The following NAV2 variants were observed in gnomAD, a reference collection of about 807,000 sequenced individuals.
The protein encoded by NAV2 is helicase, APC down-regulated 1.
In NAV2, 54 loss-of-function variants were observed where a neutral mutation model predicts 223.2. That is an observed-to-expected ratio of 0.24 (90% CI 0.19 to 0.30). The LOEUF is 0.30. Among genes scored for constraint, NAV2 ranks in the 10% least tolerant of loss-of-function variants. The probability of loss-of-function intolerance (pLI) is 1.00; values close to 1 mark genes in which losing one functional copy is unlikely to be tolerated. For synonymous variants in NAV2, 1,279 were observed against 1,239.3 expected, an observed-to-expected ratio of 1.03 and a Z score of -0.67; for missense variants, 2,806 against 3,147.5, an observed-to-expected ratio of 0.89 and a Z score of 2.60.
chr11:19,431,070 C>T (rs1764434118), intron 1 of NAV2, among the ~76,000 whole-genome samples: 1 of 152,190 alleles, frequency 6.6e-6, no homozygotes, highest in South Asian at 2.1e-4. Flanking sequence ...TTGTTAAAGG[C>T]AAAATAGACA....
chr11:19,803,698 A>G (rs10833174), intron 1 of NAV2, among the ~76,000 whole-genome samples: 73,714 of 152,178 alleles, frequency 0.48, 18,595 homozygotes, highest in East Asian at 0.71. Context: ...GATTCCCCCA[A>G]TGGTAGAGGA....
intron 1 of NAV2, among the ~76,000 whole-genome samples, chr11:19,753,984 G>A (rs1245411019): frequency 6.6e-6 from 1 of 152,224 alleles, no homozygotes; most frequent in African/African-American, 2.4e-5. Context: ...GAGCTTCCAG[G>A]AAACCACGTT....
intron 11 of NAV2, among the ~76,000 whole-genome samples, chr11:20,001,524 A>T (rs1226331609): frequency 6.6e-6 from 1 of 152,004 alleles, no homozygotes; most frequent in African/African-American, 2.4e-5. Context: ...CTTTTTCACT[A>T]TGAACACTGT....
chr11:20,061,032 C>T (rs2058668557), intron 19 of NAV2, among the ~76,000 whole-genome samples: 1 of 152,146 alleles, frequency 6.6e-6, no homozygotes, highest in Non-Finnish European at 1.5e-5. Context: ...GTGGAAGTTA[C>T]CCCAGTGCCT....
intron 19 of NAV2, among the ~76,000 whole-genome samples, chr11:20,061,055 T>C (rs1435746130): frequency 2.0e-5 from 3 of 152,196 alleles, no homozygotes; most frequent in Admixed American, 2.0e-4. Context: ...CACTTTAGAC[T>C]ACAGGTCATA....
Position 19,756,472 on chromosome 11 carries a change from A to C in NAV2, c.267+42510A>C, listed in dbSNP as rs141258137. Among the ~76,000 whole-genome samples the C allele has an allele frequency of 2.1e-3, 326 of 152,330 alleles. 4 individuals are homozygous for C. Among genetic ancestry groups the C allele is most frequent in the African/African-American group, 7.6e-3 (317 of 41,582 alleles). Reference sequence around the variant, plus strand: ...GAAATTTGGACTGCGCGCAAGGGGCAGTCATGAAGGGTGACTGAGGGAAAG... The same window carrying C: ...GAAATTTGGACTGCGCGCAAGGGGCCGTCATGAAGGGTGACTGAGGGAAAG... On this transcript the variant is annotated intron_variant, in intron 1 of 37. Coordinates refer to ENST00000349880, the MANE Select transcript of NAV2 (RefSeq NM_145117.5).
At position 19,380,783 on chromosome 11, in the gene NAV2, T is replaced by C. The variant is rs149022044; in HGVS notation, c.75+29756T>C. ...CCACCTTTGCAAAATGCCCAAGCTC[T>C]TGAGCAGAACAAAGAACCACTTGTG... On this transcript the variant is annotated intron_variant, in intron 1 of 37. Transcript: ENST00000360655. Among the ~76,000 whole-genome samples, 11 of 152,344 alleles carry C rather than the reference T, an allele frequency of 7.2e-5. No homozygotes were observed. The East Asian group carries it at 2.1e-3, about 29-fold the overall frequency.
chr11:20,039,286 A>C (rs985022620), intron 12 of NAV2, among the ~76,000 whole-genome samples: 1 of 152,176 alleles, frequency 6.6e-6, no homozygotes. Flanking sequence ...CATGGCACTA[A>C]TTAGATGCAC....
At chr11:19,770,778 G>C (rs1017653554) in intron 1 of NAV2, among the ~76,000 whole-genome samples, 3 of 152,176 alleles carry the variant, frequency 2.0e-5, no homozygotes. Flanking sequence ...GGGCTATAGA[G>C]AGAAATGACA....
chr11:19,984,409 G>GA (rs2050578313), intron 11 of NAV2, among the ~76,000 whole-genome samples, 162 bp downstream of exon 11: 1 of 152,152 alleles, frequency 6.6e-6, no homozygotes, highest in African/African-American at 2.4e-5. Flanking sequence ...GGTACAGTAG[G>GA]TAGGAAAGGG....
intron 1 of NAV2, chr11:19,351,100 G>A (rs1011817814): frequency 2.9e-6 from 4 of 1,391,620 alleles, no homozygotes; most frequent in Admixed American, 2.0e-5. Flanking sequence ...GAGCATAGGT[G>A]GTCATCATCG....
chr11:19,873,393 T>C (rs1591001762), intron 4 of NAV2, among the ~76,000 whole-genome samples: 1 of 151,854 alleles, frequency 6.6e-6, no homozygotes, highest in African/African-American at 2.4e-5. Context: ...TGAATAGACA[T>C]TTGCCAGACA....
intron 1 of NAV2, among the ~76,000 whole-genome samples, chr11:19,667,998 TA>T (rs1391168663): frequency 9.2e-5 from 14 of 152,108 alleles, no homozygotes; most frequent in Non-Finnish European, 1.5e-5. Context: ...CTGTCTTAGC[TA>T]AATCCCCCCA....
At chr11:19,651,900 G>A (rs144862120) in intron 1 of NAV2, among the ~76,000 whole-genome samples, 1 of 152,194 alleles carries the variant, frequency 6.6e-6, no homozygotes, top group Non-Finnish European at 1.5e-5. Flanking sequence ...AACCATTTCT[G>A]GCAGGATGAG....
At chr11:19,416,623 G>T (rs967497631) in intron 1 of NAV2, among the ~76,000 whole-genome samples, 1 of 152,120 alleles carries the variant, frequency 6.6e-6, no homozygotes, top group African/African-American at 2.4e-5. Context: ...AACCAAAAAA[G>T]AGCCCGTACA....
intron 1 of NAV2, among the ~76,000 whole-genome samples, chr11:19,556,034 C>T (rs1311933050): frequency 1.3e-5 from 2 of 152,164 alleles, no homozygotes; most frequent in Non-Finnish European, 2.9e-5. Context: ...CCTTTCAAAG[C>T]CTTCACTCTT....
At chr11:19,709,873 A>G (rs1299648434), upstream of NAV2, among the ~76,000 whole-genome samples, 3 of 152,206 alleles carry the variant, frequency 2.0e-5, no homozygotes, top group Non-Finnish European at 4.4e-5. Flanking sequence ...AAAGAAAGAA[A>G]TTTGGAAACA....
intron 1 of NAV2, among the ~76,000 whole-genome samples, chr11:19,382,738 C>T (rs1848891769): frequency 6.6e-6 from 1 of 152,158 alleles, no homozygotes; most frequent in South Asian, 2.1e-4. Context: ...TCCATATAAC[C>T]ACCTCATATA....
At chr11:20,105,151 G>A (rs906516052) in intron 34 of NAV2, 2 of 169,942 alleles carry the variant, frequency 1.2e-5, no homozygotes, top group African/African-American at 4.8e-5. Flanking sequence ...CCATAGCCTA[G>A]CACCGGGCCT....
Sources: gnomAD v4.1 joint callset for allele counts (sites outside exome capture counted in the v4.1 genomes callset) on GRCh38, gnomAD v4.1.1 for gene constraint, MANE v1.5 for transcripts, NCBI Gene and HGNC (gene_info 2026-07-23, HGNC 2026-07-21) for gene names.